The following PPARGC1A variants were observed in gnomAD, a reference collection of about 807,000 sequenced individuals.
The protein encoded by PPARGC1A is peroxisome proliferator-activated receptor gamma coactivator 1-alpha.
A neutral mutation model predicts 88.7 loss-of-function variants in PPARGC1A; 25 were observed. The ratio of observed to expected loss-of-function variants is 0.28; its 90% confidence interval spans 0.21 to 0.39. PPARGC1A has a LOEUF of 0.39. PPARGC1A is among the 10% of genes least tolerant of loss of function. The pLI is 1.00. For missense variants in PPARGC1A, 880 were observed against 968.7 expected (o/e 0.91, Z 1.22); for synonymous variants, 363 against 355.6 (o/e 1.02, Z -0.24).
chr4:23,979,342 A>C, the PPARGC1A span, among the ~76,000 whole-genome samples: 49,612 of 152,156 alleles, frequency 0.33, 8,488 homozygotes, highest in Non-Finnish European at 0.38. Flanking sequence ...TTATGCAGAC[A>C]AAGGCAGTAA....
chr4:23,889,839 A>G, intron 1 of PPARGC1A, 65 bp downstream of exon 1: 4 of 1,580,346 alleles, frequency 2.5e-6, no homozygotes, highest in Non-Finnish European at 2.6e-6. Context: ...CCCCCCTTAC[A>G]GGAATAATAG....
intron 12 of PPARGC1A, among the ~76,000 whole-genome samples, chr4:23,798,503 C>T (rs915958799): frequency 6.6e-5 from 10 of 152,100 alleles, no homozygotes; most frequent in African/African-American, 2.2e-4. Flanking sequence ...CAAAGAAATA[C>T]ATAAAGTTAC....
the PPARGC1A span, among the ~76,000 whole-genome samples, chr4:24,331,251 T>C: frequency 1.3e-5 from 2 of 152,164 alleles, no homozygotes; most frequent in Non-Finnish European, 2.9e-5. Flanking sequence ...TCAGAGCCTT[T>C]ATGTTTGCAG....
the PPARGC1A span, among the ~76,000 whole-genome samples, chr4:24,165,814 C>A: frequency 6.6e-6 from 1 of 151,560 alleles, no homozygotes; most frequent in African/African-American, 2.4e-5. Flanking sequence ...TCTCCCTCTC[C>A]CTGTTTCTCC....
chr4:23,969,562 T>C, the PPARGC1A span, among the ~76,000 whole-genome samples: 1 of 152,228 alleles, frequency 6.6e-6, no homozygotes, highest in Non-Finnish European at 1.5e-5. Flanking sequence ...TTTACTAATA[T>C]TTTTAACAGT....
the PPARGC1A span, among the ~76,000 whole-genome samples, chr4:23,950,512 T>A: frequency 6.6e-6 from 1 of 152,162 alleles, no homozygotes; most frequent in Non-Finnish European, 1.5e-5. Context: ...CTGAAAGGTA[T>A]CTTGTAATGA....
At chr4:24,006,823 C>A in the PPARGC1A span, among the ~76,000 whole-genome samples, 2 of 152,134 alleles carry the variant, frequency 1.3e-5, no homozygotes, top group Admixed American at 6.5e-5. Context: ...AACAGCAACA[C>A]TTCTGAGGTC....
chr4:24,154,213 G>A, the PPARGC1A span, among the ~76,000 whole-genome samples: 3 of 151,542 alleles, frequency 2.0e-5, no homozygotes, highest in East Asian at 1.9e-4. Context: ...TGCATCTTAC[G>A]CTCATAAGCT....
At chr4:24,369,134 G>C in the PPARGC1A span, among the ~76,000 whole-genome samples, 1 of 152,116 alleles carries the variant, frequency 6.6e-6, no homozygotes, top group East Asian at 1.9e-4. Context: ...AGCATTACTG[G>C]AGAAAAAAGA....
At chr4:24,214,076 C>T in the PPARGC1A span, among the ~76,000 whole-genome samples, 3 of 152,174 alleles carry the variant, frequency 2.0e-5, no homozygotes, top group Admixed American at 1.3e-4. Context: ...GAGGCAAAAG[C>T]ACAATTTCCT....
intron 2 of PPARGC1A, among the ~76,000 whole-genome samples, chr4:23,845,772 A>G (rs1037827971): frequency 2.0e-5 from 3 of 152,244 alleles, no homozygotes; most frequent in African/African-American, 7.2e-5. Flanking sequence ...TGAGAAGTTC[A>G]TCTTCTCAAT....
At position 23,828,550 on chromosome 4, in the gene PPARGC1A, G is replaced by C; in HGVS notation, c.607C>G (p.Gln203Glu). The C allele has an allele frequency of 6.2e-7, 1 of 1,614,132 alleles. No individual in the cohort carries two copies. The highest frequency in any genetic ancestry group is 8.5e-7 in the Non-Finnish European group (1 of 1,180,024). Reference sequence around the variant, plus strand: ...AGAAGCTCCGAGCAGGGACGTCTTTGTGGCTTTTGCTGTTGACAAATACTC... The same window carrying C: ...AGAAGCTCCGAGCAGGGACGTCTTTCTGGCTTTTGCTGTTGACAAATACTC... ...AKSICQQQKP[Q>E]RRPCSELLKY... Residue 203 changes from glutamine (Q) to glutamate (E), a missense_variant, in exon 5 of 13, where the codon CAA (glutamine) becomes GAA (glutamate). Transcript: ENST00000264867.
the PPARGC1A span, among the ~76,000 whole-genome samples, chr4:24,177,480 G>T: frequency 6.6e-6 from 1 of 151,430 alleles, no homozygotes; most frequent in Non-Finnish European, 1.5e-5. Context: ...GTGGGGGGAA[G>T]GGGGAGGGAT....
intron 10 of PPARGC1A, among the ~76,000 whole-genome samples, chr4:23,810,490 C>A (rs1482517399): frequency 6.6e-6 from 1 of 152,118 alleles, no homozygotes; most frequent in Non-Finnish European, 1.5e-5. Flanking sequence ...GTCATCTAGA[C>A]CAATGACACT....
At chr4:24,436,916 G>C in the PPARGC1A span, among the ~76,000 whole-genome samples, 2 of 152,028 alleles carry the variant, frequency 1.3e-5, no homozygotes, top group Non-Finnish European at 2.9e-5. Flanking sequence ...AGCTGACAGC[G>C]ATTGGCCACC....
the PPARGC1A span, among the ~76,000 whole-genome samples, chr4:24,218,570 A>T: frequency 6.6e-6 from 1 of 151,552 alleles, no homozygotes; most frequent in African/African-American, 2.5e-5. Context: ...CTTTTCAAAA[A>T]GGCATTCAAA....
chr4:24,416,969 G>A, the PPARGC1A span, among the ~76,000 whole-genome samples: 3 of 151,358 alleles, frequency 2.0e-5, no homozygotes, highest in Non-Finnish European at 1.5e-5. Context: ...GGCGGAGGTT[G>A]CAGTGAGCCG....
the PPARGC1A span, among the ~76,000 whole-genome samples, chr4:24,230,948 A>AT: frequency 2.6e-5 from 3 of 113,232 alleles, no homozygotes; most frequent in African/African-American, 9.9e-5. Flanking sequence ...CACAGAATTT[A>AT]TTAAAAAAAA....
At chr4:24,183,252 C>G in the PPARGC1A span, among the ~76,000 whole-genome samples, 2 of 152,202 alleles carry the variant, frequency 1.3e-5, no homozygotes, top group South Asian at 4.1e-4. Context: ...CTATATATAT[C>G]TTCATCCCTG....
Sources: gnomAD v4.1 joint callset for allele counts (sites outside exome capture counted in the v4.1 genomes callset) on GRCh38, gnomAD v4.1.1 for gene constraint, MANE v1.5 for transcripts, NCBI Gene and HGNC (gene_info 2026-07-23, HGNC 2026-07-21) for gene names.